SEC14L3: variants seen among roughly 807,000 people sequenced by gnomAD.
SEC14L3 encodes SEC14 like lipid binding 3.
Under a neutral mutation model 57.4 loss-of-function variants are expected in SEC14L3, and 56 were observed. The ratio of observed to expected loss-of-function variants is 0.97; its 90% CI spans 0.79 to 1.22. The LOEUF is 1.22. Ranked by LOEUF, SEC14L3 falls within the 50% of genes most tolerant of loss-of-function variation. The pLI, the probability that SEC14L3 is intolerant of heterozygous loss-of-function variation, is 0.00. For synonymous variants in SEC14L3, 173 were observed against 194.4 expected (o/e 0.89, Z 0.92); for missense variants, 485 against 511.7 (o/e 0.95, Z 0.50).
intron 8 of SEC14L3, among the ~76,000 whole-genome samples, chr22:30,462,711 C>T (rs951923598): frequency 6.6e-5 from 10 of 151,626 alleles, no homozygotes; most frequent in African/African-American, 2.2e-4. Flanking sequence ...GTGTAAGCCA[C>T]CATCACCATG....
At chr22:30,456,031 G>C (rs1935113153), downstream of SEC14L3, among the ~76,000 whole-genome samples, 1 of 152,184 alleles carries the variant, frequency 6.6e-6, no homozygotes, top group Non-Finnish European at 1.5e-5. Flanking sequence ...TATTGGGCCA[G>C]GTAAGGTGGC....
intron 1 of SEC14L3, chr22:30,471,058 G>GTA (rs564104131): frequency 2.1e-4 from 67 of 320,632 alleles, no homozygotes; most frequent in Non-Finnish European, 3.7e-4. Flanking sequence ...GCTGAGGTTG[G>GTA]TGGATCACCT....
At chr22:30,452,392 C>T (rs1000956529) in intron 12 of SEC14L3, among the ~76,000 whole-genome samples, 9 of 151,066 alleles carry the variant, frequency 6.0e-5, no homozygotes, top group Non-Finnish European at 8.9e-5. Flanking sequence ...TTACAGGCTC[C>T]GGCCACCACG....
Position 30,470,563 on chromosome 22 carries a change from T to C in SEC14L3, c.74A>G (p.Asp25Gly). The C allele has an allele frequency of 6.2e-7, 1 of 1,614,152 alleles. No homozygotes were observed. Among genetic ancestry groups the C allele is most frequent in the South Asian group, 1.1e-5 (1 of 91,066 alleles). Residue 25 changes from aspartate (D) to glycine (G), a missense_variant, in exon 2 of 12, where the codon GAT (aspartate) becomes GGT (glycine). Coordinates refer to ENST00000215812, the MANE Select transcript of SEC14L3 (RefSeq NM_174975.5). ...AGGGTTGGGCAGGGCAGGAAGCACA[T>C]CCTGGACGTTTTCTCGGAACTGGCA... ...TLAKFRENVQ[D>G]VLPALPNPDD...
intron 12 of SEC14L3, among the ~76,000 whole-genome samples, chr22:30,450,246 A>G (rs1243118792): frequency 6.6e-6 from 1 of 152,014 alleles, no homozygotes; most frequent in Non-Finnish European, 1.5e-5. Flanking sequence ...TTCTGGGTTT[A>G]CCTCATCTGC....
chr22:30,461,780 T>C, intron 9 of SEC14L3, 86 bp from the exon 10 acceptor site: 1 of 1,517,408 alleles, frequency 6.6e-7, no homozygotes, highest in South Asian at 1.2e-5. Context: ...CACCACCTCC[T>C]GGAAGTATCC....
chr22:30,466,440 T>C (rs747510552), intron 6 of SEC14L3, 46 bp from the exon 7 acceptor site: 153 of 1,613,500 alleles, frequency 9.5e-5, no homozygotes, highest in Non-Finnish European at 1.2e-4. Context: ...TCACATCTTC[T>C]CCTACCTCCA....
At chr22:30,461,994 C>T in intron 9 of SEC14L3, 92 bp downstream of exon 9, 1 of 1,344,206 alleles carries the variant, frequency 7.4e-7, no homozygotes, top group Admixed American at 2.0e-5. Flanking sequence ...CTTGGCATCT[C>T]TCTATAGGTA....
At chr22:30,470,367 C>T (rs950174378) in intron 2 of SEC14L3, 112 bp from the exon 3 acceptor site, 2 of 1,589,880 alleles carry the variant, frequency 1.3e-6, no homozygotes, top group African/African-American at 2.7e-5. Flanking sequence ...GCTCCCCTAC[C>T]CCCTTCCCTC....
intron 2 of SEC14L3, 46 bp from the exon 3 acceptor site, chr22:30,470,301 T>A: frequency 6.2e-7 from 1 of 1,604,746 alleles, no homozygotes; most frequent in Non-Finnish European, 8.5e-7. Flanking sequence ...AGATGCCTTG[T>A]CTTACTCCTG....
At chr22:30,453,936 A>C (rs2146085938) in intron 12 of SEC14L3, among the ~76,000 whole-genome samples, 1 of 152,294 alleles carries the variant, frequency 6.6e-6, no homozygotes, top group East Asian at 1.9e-4. Flanking sequence ...TAGGGGGCCT[A>C]GGCACTAACA....
downstream of SEC14L3, among the ~76,000 whole-genome samples, chr22:30,454,584 ATAT>A (rs1391470610): frequency 0.031 from 2,357 of 76,902 alleles, 84 homozygotes; most frequent in South Asian, 0.053. Context: ...ATCTATAATA[ATAT>A]TATTATATAT....
chr22:30,451,996 AAAAAAAAAAAAAAGAAAAAAG>A (rs1934991827), intron 12 of SEC14L3, among the ~76,000 whole-genome samples: 1 of 143,470 alleles, frequency 7.0e-6, no homozygotes, highest in African/African-American at 2.6e-5. Context: ...CATCTCAAAA[AAAAAAAAAAAAAAGAAAAAAG>A]AAAAGAAAAG....
At chr22:30,460,238 G>C (rs1472877909) in intron 11 of SEC14L3, 96 bp from the exon 12 acceptor site, 1 of 1,523,902 alleles carries the variant, frequency 6.6e-7, no homozygotes, top group Non-Finnish European at 8.8e-7. Context: ...TGTTCCCACT[G>C]GCTTTGTTTG....
chr22:30,454,104 C>G (rs1022446348), intron 12 of SEC14L3, among the ~76,000 whole-genome samples: 1 of 152,126 alleles, frequency 6.6e-6, no homozygotes, highest in Non-Finnish European at 1.5e-5. Context: ...CTGTCCTGTA[C>G]AACCTGCCCC....
At chr22:30,457,465 C>T (rs1935139369), downstream of SEC14L3, among the ~76,000 whole-genome samples, 1 of 149,292 alleles carries the variant, frequency 6.7e-6, no homozygotes, top group Admixed American at 6.8e-5. Context: ...CCACTGCAAT[C>T]TCCACCTCCT....
chr22:30,469,944 C>T (rs768332625), intron 4 of SEC14L3, 75 bp downstream of exon 4: 2 of 1,151,126 alleles, frequency 1.7e-6, no homozygotes, highest in Admixed American at 2.3e-5. Flanking sequence ...GGCTTGCTGC[C>T]CCTCATTCAT....
intron 8 of SEC14L3, among the ~76,000 whole-genome samples, chr22:30,463,656 C>A (rs538388511): frequency 3.3e-5 from 5 of 152,318 alleles, no homozygotes; most frequent in Admixed American, 2.6e-4. Context: ...CTCCCCCTCA[C>A]CCCTGGATCC....
chr22:30,471,104 G>A (rs1935594796), intron 1 of SEC14L3: 1 of 341,316 alleles, frequency 2.9e-6, no homozygotes, highest in Non-Finnish European at 5.7e-6. Flanking sequence ...GGCCAACATG[G>A]TGAAAACTCA....
Sources: allele counts gnomAD v4.1 joint callset (sites outside exome capture counted in the v4.1 genomes callset), GRCh38; gene constraint gnomAD v4.1.1; transcripts MANE v1.5; gene names NCBI Gene and HGNC (gene_info 2026-07-23, HGNC 2026-07-21).